KAZN: variants seen among roughly 807,000 people sequenced by gnomAD.
KAZN encodes the protein kazrin, periplakin interacting protein, also known as kazrin.
A neutral mutation model predicts 87.4 loss-of-function variants in KAZN; 40 were observed. The ratio of observed to expected loss-of-function variants is 0.46; its 90% confidence interval spans 0.36 to 0.60. KAZN has a LOEUF of 0.60. Among genes scored for constraint, KAZN ranks in the 20% least tolerant of loss-of-function variants. KAZN has a pLI of 0.00. For missense variants in KAZN, 898 were observed against 1,073.9 expected, an observed-to-expected ratio of 0.84 and a Z score of 2.29; for synonymous variants, 466 against 458.3, an observed-to-expected ratio of 1.02 and a Z score of -0.22.
At chr1:14,686,307 C>T (rs1006691098) in intron 1 of KAZN, among the ~76,000 whole-genome samples, 9 of 152,192 alleles carry the variant, frequency 5.9e-5, no homozygotes, top group African/African-American at 2.2e-4. Flanking sequence ...TCATGATCCA[C>T]CTGCCTCGAC....
chr1:15,030,057 C>T (rs1448330348), intron 2 of KAZN, among the ~76,000 whole-genome samples: 1 of 152,160 alleles, frequency 6.6e-6, no homozygotes, highest in Non-Finnish European at 1.5e-5. Context: ...CCAGCTGTGC[C>T]ATTAACCAGC....
chr1:14,689,790 C>T (rs1395318077), intron 1 of KAZN, among the ~76,000 whole-genome samples: 5 of 152,210 alleles, frequency 3.3e-5, no homozygotes, highest in Admixed American at 6.5e-5. Context: ...CATCTTGTCC[C>T]GGGGCAGAGG....
rs909573837 is a variant in KAZN, at chr1:15,114,713, C to T, written c.*78C>T. Reference sequence around the variant, plus strand: ...GCCAGATGGCCCCAGGTGTCGTTCTCACTGTACATAGCGGCCGCAGGCTGA... The same window carrying T: ...GCCAGATGGCCCCAGGTGTCGTTCTTACTGTACATAGCGGCCGCAGGCTGA... On this transcript the variant is annotated 3_prime_UTR_variant, in exon 15 of 15. Coordinates refer to ENST00000376030, the MANE Select transcript of KAZN (RefSeq NM_201628.3). The T allele has an allele frequency of 1.1e-5, 16 of 1,427,426 alleles. No homozygotes were observed. Among genetic ancestry groups the T allele is most frequent in the Non-Finnish European group, 1.4e-5 (15 of 1,051,582 alleles). 88.4% of individuals were successfully genotyped at this position (1,427,426 alleles called of 1,614,324 possible).
At chr1:14,479,310 C>T (rs1459921501) in intron 2 of KAZN, among the ~76,000 whole-genome samples, 1 of 152,192 alleles carries the variant, frequency 6.6e-6, no homozygotes, top group East Asian at 1.9e-4. Flanking sequence ...CCCCTAGAGA[C>T]ACCTGCTCCA....
chr1:14,444,953 A>G (rs1666898648), intron 2 of KAZN, among the ~76,000 whole-genome samples: 1 of 152,068 alleles, frequency 6.6e-6, no homozygotes. Flanking sequence ...CTGTGAATTT[A>G]TTTGAAGAGA....
chr1:13,901,909 C>T (rs1471229228), intron 1 of KAZN, among the ~76,000 whole-genome samples: 1 of 152,262 alleles, frequency 6.6e-6, no homozygotes, highest in Non-Finnish European at 1.5e-5. Flanking sequence ...CTGATGTTTG[C>T]TCCCTTTCCT....
At position 14,797,549 on chromosome 1, in the gene KAZN, G is replaced by A. The variant is rs189595201; in HGVS notation, c.227-163135G>A. ...GTGAAGAGTTAAAGAGTTAAAAGGCGGAATGCAGAGTTAACAATACATCGA... is the reference window on the plus strand; with the variant it reads ...GTGAAGAGTTAAAGAGTTAAAAGGCAGAATGCAGAGTTAACAATACATCGA... On this transcript the variant is annotated intron_variant, in intron 1 of 14. Coordinates refer to ENST00000376030, the MANE Select transcript of KAZN (RefSeq NM_201628.3). Among the ~76,000 whole-genome samples, 462 of 152,308 alleles carry A rather than the reference G, an allele frequency of 3.0e-3. 2 individuals carry two copies. The highest frequency in any genetic ancestry group is 6.4e-3 in the South Asian group (31 of 4,830).
intron 1 of KAZN, among the ~76,000 whole-genome samples, chr1:14,865,195 A>C (rs1026297357): frequency 6.6e-6 from 1 of 152,138 alleles, no homozygotes; most frequent in Non-Finnish European, 1.5e-5. Flanking sequence ...ACCACTAGAC[A>C]AACTTCCCAT....
intron 2 of KAZN, among the ~76,000 whole-genome samples, chr1:14,278,988 C>T (rs1652634884): frequency 7.9e-6 from 1 of 127,044 alleles, no homozygotes; most frequent in Admixed American, 1.0e-4. Context: ...CTGCGTCAAT[C>T]AGGAGGTAGA....
Position 15,101,577 on chromosome 1 carries a change from G to T in KAZN, c.1582G>T (p.Val528Leu). Residue 528 changes from valine to leucine, a missense_variant, in exon 11 of 15, where the codon GTG (valine) becomes TTG (leucine). Around this residue, in one of 3 missense-constraint regions of KAZN, gnomAD observed 521 missense variants for 689.4 expected, o/e 0.76. Coordinates refer to ENST00000376030, the MANE Select transcript of KAZN (RefSeq NM_201628.3). ...AGCTGCCGAGCTGGACCATCACTGG[G>T]TGGCCAAGGCCTGGCTGAATGACAT... ...SKAAELDHHWVAKAWLNDIGL... is the reference protein window; with the variant it reads ...SKAAELDHHWLAKAWLNDIGL... 1 of 1,552,946 alleles carries T rather than the reference G, an allele frequency of 6.4e-7. No homozygotes were observed. The highest frequency in any genetic ancestry group is 8.7e-7 in the Non-Finnish European group (1 of 1,147,678).
intron 2 of KAZN, among the ~76,000 whole-genome samples, chr1:14,509,742 G>A (rs1277743845): frequency 1.3e-5 from 2 of 152,022 alleles, no homozygotes; most frequent in Non-Finnish European, 2.9e-5. Context: ...CAAGCAAGCA[G>A]ATGAAAAATA....
chr1:14,795,671 C>T (rs1645808076), intron 1 of KAZN, among the ~76,000 whole-genome samples: 1 of 152,158 alleles, frequency 6.6e-6, no homozygotes, highest in Admixed American at 6.5e-5. Flanking sequence ...CTCTCACCTC[C>T]TCTCCATTCT....
At chr1:14,444,445 T>C (rs1489217878) in intron 2 of KAZN, among the ~76,000 whole-genome samples, 1 of 151,566 alleles carries the variant, frequency 6.6e-6, no homozygotes, top group East Asian at 2.0e-4. Flanking sequence ...CCCGAGTAGC[T>C]GGGATTACAG....
At chr1:14,931,748 C>T (rs952935415) in intron 1 of KAZN, among the ~76,000 whole-genome samples, 1 of 152,126 alleles carries the variant, frequency 6.6e-6, no homozygotes, top group Non-Finnish European at 1.5e-5. Flanking sequence ...CCCAGGAGGG[C>T]ACATACTCTG....
At chr1:14,481,564 G>A (rs1181632880) in intron 2 of KAZN, among the ~76,000 whole-genome samples, 3 of 152,174 alleles carry the variant, frequency 2.0e-5, no homozygotes, top group Non-Finnish European at 4.4e-5. Context: ...CTGGCTCTCA[G>A]ATGGCAAGAA....
chr1:15,041,331 C>CT (rs71000360), intron 3 of KAZN, among the ~76,000 whole-genome samples: 28,653 of 114,088 alleles, frequency 0.25, 3,522 homozygotes, highest in Non-Finnish European at 0.3. Flanking sequence ...CATTTTTTTT[C>CT]TTTTTTTTTT....
intron 1 of KAZN, among the ~76,000 whole-genome samples, chr1:14,915,227 G>A (rs1049919643): frequency 1.3e-5 from 2 of 152,286 alleles, no homozygotes; most frequent in Middle Eastern, 3.4e-3. Flanking sequence ...GCTAATATGT[G>A]TAAACTGCTC....
At chr1:14,568,353 C>T (rs139009549) in intron 2 of KAZN, among the ~76,000 whole-genome samples, 36 of 152,276 alleles carry the variant, frequency 2.4e-4, no homozygotes, top group African/African-American at 6.7e-4. Context: ...TGTATTAGTC[C>T]GCTTTCATGC....
intron 1 of KAZN, among the ~76,000 whole-genome samples, chr1:14,073,106 T>C (rs1328603335): frequency 6.6e-6 from 1 of 152,216 alleles, no homozygotes; most frequent in African/African-American, 2.4e-5. Flanking sequence ...CCAAGGCACC[T>C]GTGATCAGCT....
Sources: allele counts gnomAD v4.1 joint callset (sites outside exome capture counted in the v4.1 genomes callset), GRCh38; gene constraint gnomAD v4.1.1; regional missense constraint gnomAD v4.1.1; transcripts MANE v1.5; gene names NCBI Gene and HGNC (gene_info 2026-07-23, HGNC 2026-07-21).